Variants in TENM3 observed in about 807,000 individuals in gnomAD.
TENM3 encodes teneurin transmembrane protein 3, also known as teneurin-3.
A neutral mutation model predicts 255.1 loss-of-function variants in TENM3; 63 were observed. The ratio of observed to expected loss-of-function variants is 0.25; its 90% CI spans 0.20 to 0.30. The LOEUF is 0.30. TENM3 is among the 10% of genes least tolerant of loss of function. The probability of loss-of-function intolerance (pLI) is 1.00; values close to 1 mark genes in which losing one functional copy is unlikely to be tolerated. For missense variants in TENM3, 2,929 were observed against 3,461.1 expected (o/e 0.85, Z 3.86); for synonymous variants, 1,306 against 1,322.3 (o/e 0.99, Z 0.27).
the TENM3 span, among the ~76,000 whole-genome samples, chr4:181,587,530 G>C: frequency 6.6e-6 from 1 of 152,152 alleles, no homozygotes; most frequent in Admixed American, 6.5e-5. Context: ...ACCCACGTAT[G>C]ATGTTGGTAC....
intron 3 of TENM3, among the ~76,000 whole-genome samples, chr4:182,352,577 G>T (rs1271684634): frequency 1.3e-5 from 2 of 152,050 alleles, no homozygotes; most frequent in Admixed American, 1.3e-4. Flanking sequence ...GCATGATACT[G>T]AAGTATTATG....
chr4:182,407,045 T>A (rs1206798049), intron 3 of TENM3, among the ~76,000 whole-genome samples: 1 of 152,180 alleles, frequency 6.6e-6, no homozygotes, highest in Non-Finnish European at 1.5e-5. Context: ...AAGAGGTGAT[T>A]TGGGGAACTT....
intron 3 of TENM3, among the ~76,000 whole-genome samples, chr4:182,356,767 G>A (rs1352772591): frequency 1.3e-5 from 2 of 151,552 alleles, no homozygotes; most frequent in East Asian, 3.9e-4. Flanking sequence ...TGCACAATGT[G>A]CAGGTTAGCT....
the TENM3 span, among the ~76,000 whole-genome samples, chr4:181,934,896 T>A: frequency 6.6e-6 from 1 of 152,196 alleles, no homozygotes. Flanking sequence ...ATGAAAAAAA[T>A]TGTTTTAAGT....
chr4:181,778,955 G>A, the TENM3 span, among the ~76,000 whole-genome samples: 1 of 152,106 alleles, frequency 6.6e-6, no homozygotes, highest in Admixed American at 6.6e-5. Context: ...TGCAGAAGAA[G>A]CAGAAGGAAT....
chr4:181,604,752 G>C, the TENM3 span, among the ~76,000 whole-genome samples: 1 of 152,218 alleles, frequency 6.6e-6, no homozygotes, highest in African/African-American at 2.4e-5. Context: ...AGATCTGACT[G>C]AGATCTGGTG....
intron 3 of TENM3, among the ~76,000 whole-genome samples, chr4:182,597,940 G>A (rs1469768928): frequency 6.6e-6 from 1 of 152,188 alleles, no homozygotes; most frequent in African/African-American, 2.4e-5. Flanking sequence ...AGCACCTTCA[G>A]AGGCCAAGGC....
chr4:182,606,460 G>A (rs62339123), intron 4 of TENM3, among the ~76,000 whole-genome samples: 16,305 of 147,812 alleles, frequency 0.11, 1,528 homozygotes, highest in East Asian at 0.44. Flanking sequence ...GGAGGCAGTG[G>A]TTGCAGTGAG....
the TENM3 span, among the ~76,000 whole-genome samples, chr4:181,646,357 C>G: frequency 6.6e-6 from 1 of 152,094 alleles, no homozygotes; most frequent in Non-Finnish European, 1.5e-5. Flanking sequence ...ATCTAGGAAT[C>G]TAGAGAAATT....
chr4:181,491,751 A>G, the TENM3 span, among the ~76,000 whole-genome samples: 1 of 152,072 alleles, frequency 6.6e-6, no homozygotes, highest in Non-Finnish European at 1.5e-5. Context: ...ACATTATTCT[A>G]TGTATGATTT....
the TENM3 span, among the ~76,000 whole-genome samples, chr4:181,756,247 A>C: frequency 6.6e-6 from 1 of 152,182 alleles, no homozygotes; most frequent in Non-Finnish European, 1.5e-5. Context: ...AAACAGTGGA[A>C]GGGTTACCTC....
chr4:182,569,523 C>T (rs1254752537), intron 3 of TENM3, among the ~76,000 whole-genome samples: 1 of 150,702 alleles, frequency 6.6e-6, no homozygotes, highest in Admixed American at 6.6e-5. Flanking sequence ...CACTGCACTC[C>T]AGCCTGGGCA....
At chr4:182,114,648 A>G in the TENM3 span, among the ~76,000 whole-genome samples, 1 of 152,164 alleles carries the variant, frequency 6.6e-6, no homozygotes, top group East Asian at 1.9e-4. Context: ...TCTGTTAAGG[A>G]AAATTACATG....
Position 182,679,881 on chromosome 4 carries a change from G to C in TENM3, c.1537+5G>C. 2 of 1,599,104 alleles carry C rather than the reference G, an allele frequency of 1.3e-6. No homozygotes were observed. The highest frequency in any genetic ancestry group is 1.7e-6 in the Non-Finnish European group (2 of 1,171,334). The stretch of plus-strand genomic sequence containing the variant: ...CTTTTAATACCATTGTTATAGGTAA[G>C]AATAGTCTTCAAAGCAGCATTTTCC... On this transcript the variant is annotated splice_donor_5th_base_variant and intron_variant, in intron 8 of 27. Transcript: ENST00000511685.
the TENM3 span, among the ~76,000 whole-genome samples, chr4:181,628,489 C>T: frequency 3.9e-5 from 6 of 152,136 alleles, no homozygotes; most frequent in Admixed American, 1.3e-4. Flanking sequence ...AGTCCTTAAT[C>T]CATCTTGAAT....
At chr4:182,321,676 T>C (rs1046153823) in intron 1 of TENM3, among the ~76,000 whole-genome samples, 29 of 150,860 alleles carry the variant, frequency 1.9e-4, no homozygotes, top group African/African-American at 6.6e-4. Context: ...CCGGGAGTGG[T>C]GGCTCATGCC....
At chr4:182,719,330 C>T (rs946540057) in intron 13 of TENM3, among the ~76,000 whole-genome samples, 7 of 122,714 alleles carry the variant, frequency 5.7e-5, no homozygotes, top group Admixed American at 1.1e-4. Context: ...GGCGTGGTCT[C>T]GGCTCACTGC....
chr4:182,444,544 G>T (rs1772753906), intron 3 of TENM3, among the ~76,000 whole-genome samples: 1 of 152,152 alleles, frequency 6.6e-6, no homozygotes, highest in Admixed American at 6.5e-5. Context: ...GTTTAGGAAT[G>T]TTTGTTAGCC....
chr4:181,882,002 A>G, the TENM3 span, among the ~76,000 whole-genome samples: 1 of 152,340 alleles, frequency 6.6e-6, no homozygotes, highest in African/African-American at 2.4e-5. Flanking sequence ...AAATATGCAC[A>G]CCATTCAGAA....
Sources: gnomAD v4.1 joint callset for allele counts (sites outside exome capture counted in the v4.1 genomes callset) on GRCh38, gnomAD v4.1.1 for gene constraint, MANE v1.5 for transcripts, NCBI Gene and HGNC (gene_info 2026-07-23, HGNC 2026-07-21) for gene names.